Variants in HMX1 observed in about 807,000 individuals in gnomAD.
The protein encoded by HMX1 is homeobox protein HMX1.
HMX1 carries 8 observed loss-of-function variants against 8.9 expected under a neutral mutation model. The ratio of observed to expected loss-of-function variants is 0.90; its 90% CI spans 0.53 to 1.63. The LOEUF (loss-of-function observed/expected upper bound fraction) is 1.63. Ranked by LOEUF, HMX1 falls within the 40% of genes most tolerant of loss-of-function variation. The pLI is 0.00. For missense variants in HMX1, 621 were observed against 558.5 expected (o/e 1.11, Z -1.13); for synonymous variants, 311 against 283.4 (o/e 1.10, Z -0.98).
chr4:8,857,405 C>G (rs1436400078), intron 1 of HMX1, among the ~76,000 whole-genome samples: 2 of 152,144 alleles, frequency 1.3e-5, no homozygotes, highest in African/African-American at 4.8e-5. Context: ...GAGGCGGGGT[C>G]TGGGGCAGCC....
Position 8,868,359 on chromosome 4 carries a change from A to G in HMX1, c.395-14T>C. 2 of 1,356,384 alleles carry G rather than the reference A, an allele frequency of 1.5e-6. No individual in the cohort carries two copies. The highest frequency in any genetic ancestry group is 1.9e-6 in the Non-Finnish European group (2 of 1,061,498). The allele number at this position is 1,356,384 out of a possible 1,614,324, so 84.0% of individuals were successfully genotyped here. A position where few individuals can be genotyped will look rare whatever the true frequency, so the allele number is the denominator to read the frequency against. On this transcript the variant is annotated splice_polypyrimidine_tract_variant and intron_variant, in intron 1 of 1. Transcript: ENST00000400677. The surrounding 1 kb of genome is among the most constrained non-coding windows in gnomAD (Gnocchi z 4.6). Reference sequence around the variant, plus strand: ...CCCGGTCGCTGGCTGCAGGGGAGAGAGGGCACCACCGTTGGTTCTAGGGCA... The same window carrying G: ...CCCGGTCGCTGGCTGCAGGGGAGAGGGGGCACCACCGTTGGTTCTAGGGCA...
rs906777096 is a variant in HMX1 at position 8,868,253 on chromosome 4, C to G, written c.487G>C (p.Glu163Gln). ...RGPGPGAVQR[E>Q]AAELAARGPA... ...CCACGCGCCGCCAGCTCCGCTGCCTCCCGCTGCACCGCTCCCGGCCCGGGG... is the reference window on the plus strand; with the variant it reads ...CCACGCGCCGCCAGCTCCGCTGCCTGCCGCTGCACCGCTCCCGGCCCGGGG... The change falls in exon 2 of 2, where the codon GAG becomes CAG. Residue 163 changes from glutamate to glutamine, a missense_variant. Glu to Gln is a conservative substitution (Grantham distance 29, BLOSUM62 2). Coordinates refer to ENST00000400677, the MANE Select transcript of HMX1 (RefSeq NM_018942.3). This position sits in a 1 kb window ranked among gnomAD's most constrained non-coding sequence, Gnocchi z 4.6. The G allele has an allele frequency of 7.1e-7, 1 of 1,408,462 alleles. No homozygotes were observed. Among genetic ancestry groups the G allele is most frequent in the Non-Finnish European group, 9.2e-7 (1 of 1,086,446 alleles). 87.2% of individuals were successfully genotyped at this position (1,408,462 alleles called of 1,614,324 possible).
At chr4:8,861,766 C>G (rs1721833575) in intron 1 of HMX1, among the ~76,000 whole-genome samples, 1 of 152,242 alleles carries the variant, frequency 6.6e-6, no homozygotes, top group African/African-American at 2.4e-5. Context: ...CCCTCAGAGC[C>G]CCGGGATCAA....
chr4:8,854,294 C>T (rs1721543046), intron 1 of HMX1, among the ~76,000 whole-genome samples: 1 of 152,262 alleles, frequency 6.6e-6, no homozygotes, highest in African/African-American at 2.4e-5. Flanking sequence ...GGGCCTGGGC[C>T]CCATACAGGC....
At position 8,867,975 on chromosome 4, in the gene HMX1, G is replaced by A. The variant is rs574706311; in HGVS notation, c.765C>T (p.Arg255=). Residue 255 remains arginine (R), a synonymous_variant, in exon 2 of 2, where the codon CGC becomes CGT. Transcript: ENST00000400677. ...CTGCCAGCTGCCGCTTCCACTTGTT[G>A]CGGCGGTTCTGGAACCAGATCTTAA... ...TQVKIWFQNR[R]NKWKRQLAAE... is the part of the protein sequence containing the mutation. The A allele has an allele frequency of 5.7e-4, 879 of 1,528,918 alleles. 1 individual carries two copies. The highest frequency in any genetic ancestry group is 1.7e-3 in the Middle Eastern group (9 of 5,332). 94.7% of individuals were successfully genotyped at this position (1,528,918 alleles called of 1,614,324 possible).
chr4:8,860,934 G>GACGCCAGAA (rs1721785261), intron 1 of HMX1: 1 of 149,530 alleles, frequency 6.7e-6, no homozygotes, highest in Admixed American at 6.6e-5. Context: ...AGACGCCAGA[G>GACGCCAGAA]AGACGCCAGG....
chr4:8,868,029 G>A lies in HMX1; in HGVS notation c.711C>T (p.Ala237=), dbSNP rs773378166. The A allele has an allele frequency of 1.6e-5, 24 of 1,538,156 alleles. No individual in the cohort carries two copies. The South Asian group carries it at 2.2e-4, about 14-fold the overall frequency. The part of the protein sequence containing the change: ...YLSSAERAGL[A]ASLQLTETQV... ...GCGTCTCGGTGAGCTGCAGGGAGGC[G>A]GCCAGGCCGGCGCGCTCGGCGCTGC... Residue 237 remains alanine, a synonymous_variant, in exon 2 of 2, where the codon GCC becomes GCT. Coordinates refer to ENST00000400677, the MANE Select transcript of HMX1 (RefSeq NM_018942.3). This position sits in a 1 kb window ranked among gnomAD's most constrained non-coding sequence, Gnocchi z 4.6.
At chr4:8,854,339 C>A (rs1721544444) in intron 1 of HMX1, among the ~76,000 whole-genome samples, 1 of 152,274 alleles carries the variant, frequency 6.6e-6, no homozygotes, top group South Asian at 2.1e-4. Flanking sequence ...GGATGAAGAG[C>A]CTGAGGCTCA....
downstream of HMX1, among the ~76,000 whole-genome samples, chr4:8,862,458 C>G (rs961217984): frequency 6.6e-6 from 1 of 152,216 alleles, no homozygotes; most frequent in Admixed American, 6.5e-5. Flanking sequence ...CCACCCCTAT[C>G]CCACAGTTCT....
In HMX1 at chr4:8,867,731, C is replaced by G; in HGVS notation, c.1009G>C (p.Val337Leu). The G allele has an allele frequency of 7.8e-7, 1 of 1,287,830 alleles. No individual in the cohort carries two copies. The highest frequency in any genetic ancestry group is 1.5e-5 in the African/African-American group (1 of 65,164). The allele number at this position is 1,287,830 out of a possible 1,614,324, so 79.8% of individuals were successfully genotyped here. A position where few individuals can be genotyped will look rare whatever the true frequency, so the allele number is the denominator to read the frequency against. Residue 337 changes from valine (V) to leucine (L), a missense_variant, in exon 2 of 2, where the codon GTG becomes CTG. By Grantham distance (32) the Val-to-Leu change is conservative (BLOSUM62 1). Transcript: ENST00000400677. ...GGCATCTGCGCCCGCAGAAAGGGCA[C>G]GGAGGCGGCGGCCGGGAAGGCGGCC... ...PLAAFPAAASVPFLRAQMPGL... is the reference protein window; with the variant it reads ...PLAAFPAAASLPFLRAQMPGL...
intron 1 of HMX1, chr4:8,858,999 C>T (rs1367707136): frequency 6.6e-6 from 1 of 152,222 alleles, no homozygotes; most frequent in African/African-American, 2.4e-5. Flanking sequence ...TGGACCCACT[C>T]CTTGCTGGGT....
At chr4:8,861,941 A>C (rs897276407) in intron 1 of HMX1, among the ~76,000 whole-genome samples, 3 of 152,250 alleles carry the variant, frequency 2.0e-5, no homozygotes, top group African/African-American at 2.4e-5. Context: ...GCGAAGTCGG[A>C]ACCACGTCCG....
In HMX1 at chr4:8,868,085, C is replaced by G; in HGVS notation, c.655G>C (p.Glu219Gln). ...VFSRSQVFQL[E>Q]STFDLKRYLS... is the part of the protein sequence containing the mutation. ...TAGCGCTTCAGGTCGAAGGTGGATT[C>G]CAGCTGGAAGACCTGGCTGCGGGAG... is the stretch of plus-strand genomic sequence containing the variant. Residue 219 changes from glutamate to glutamine, a missense_variant, in exon 2 of 2, where the codon GAA becomes CAA. Physicochemically the swap from Glu to Gln is conservative, Grantham distance 29. Transcript: ENST00000400677. This position sits in a 1 kb window ranked among gnomAD's most constrained non-coding sequence, Gnocchi z 4.6. 3 of 1,526,862 alleles carry G rather than the reference C, an allele frequency of 2.0e-6. No individual in the cohort carries two copies. The highest frequency in any genetic ancestry group is 2.6e-6 in the Non-Finnish European group (3 of 1,139,704). 94.6% of individuals were successfully genotyped at this position (1,526,862 alleles called of 1,614,324 possible).
chr4:8,856,797 C>G (rs1280912905), intron 1 of HMX1, among the ~76,000 whole-genome samples: 1 of 152,160 alleles, frequency 6.6e-6, no homozygotes, highest in East Asian at 1.9e-4. Context: ...AAATCTTTAT[C>G]AAAAACTCTG....
At chr4:8,850,155 G>A (rs1032826888) in intron 1 of HMX1, among the ~76,000 whole-genome samples, 2 of 152,246 alleles carry the variant, frequency 1.3e-5, no homozygotes, top group Admixed American at 1.3e-4. Flanking sequence ...GAGTGGAAGA[G>A]CCCAGGTTGC....
At position 8,871,725 on chromosome 4, in the gene HMX1, C is replaced by G. The variant is rs915515695; in HGVS notation, c.-111G>C. 9 of 1,047,764 alleles carry G rather than the reference C, an allele frequency of 8.6e-6. No homozygotes were observed. The African/African-American group carries it at 1.2e-4, about 14-fold the overall frequency. The allele number at this position is 1,047,764 out of a possible 1,614,324, so 64.9% of individuals were successfully genotyped here. A position where few individuals can be genotyped will look rare whatever the true frequency, so the allele number is the denominator to read the frequency against. On this transcript the variant is annotated 5_prime_UTR_variant, in exon 1 of 2. Transcript: ENST00000400677. This position sits in a 1 kb window ranked among gnomAD's most constrained non-coding sequence, Gnocchi z 4.8. ...CCGGCCCTGGAGCTGCTACCCGGAC[C>G]GCTGGCGTCGGGCCCCGCAGGGCAG... is the stretch of plus-strand genomic sequence containing the variant.
chr4:8,867,237 G>C lies in HMX1; in HGVS notation c.*456C>G. On this transcript the variant is annotated 3_prime_UTR_variant, in exon 2 of 2. Coordinates refer to ENST00000400677, the MANE Select transcript of HMX1 (RefSeq NM_018942.3). Reference sequence around the variant, plus strand: ...AGGGGTAGCACAGCCCTCCGGGCCGGCCTGCTGTCTGGGTCCCAGGAAAGG... The same window carrying C: ...AGGGGTAGCACAGCCCTCCGGGCCGCCCTGCTGTCTGGGTCCCAGGAAAGG... The C allele has an allele frequency of 5.1e-6, 5 of 985,844 alleles. No homozygotes were observed. The highest frequency in any genetic ancestry group is 6.0e-6 in the Non-Finnish European group (5 of 830,186). 61.1% of individuals were successfully genotyped at this position (985,844 alleles called of 1,614,324 possible).
intron 1 of HMX1, chr4:8,859,195 C>G (rs546928986): frequency 6.6e-6 from 1 of 152,154 alleles, no homozygotes; most frequent in South Asian, 2.1e-4. Flanking sequence ...GCTGGCCCCC[C>G]CCCACGCCTC....
At chr4:8,863,646 C>A (rs1052138997), downstream of HMX1, among the ~76,000 whole-genome samples, 2 of 152,236 alleles carry the variant, frequency 1.3e-5, no homozygotes, top group African/African-American at 4.8e-5. Context: ...GGAATCCACA[C>A]CTCCAAGGGC....
Sources: gnomAD v4.1 joint callset for allele counts (sites outside exome capture counted in the v4.1 genomes callset) on GRCh38, gnomAD v4.1.1 for gene constraint, Gnocchi (gnomAD v3.1) non-coding constraint, MANE v1.5 for transcripts, NCBI Gene and HGNC (gene_info 2026-07-23, HGNC 2026-07-21) for gene names.